KAT6A: variants seen among roughly 807,000 people sequenced by gnomAD.
KAT6A encodes histone acetyltransferase KAT6A.
A neutral mutation model predicts 198.4 loss-of-function variants in KAT6A; 9 were observed. The observed-to-expected ratio is 0.05, with a 90% CI of 0.03 to 0.08. The LOEUF (loss-of-function observed/expected upper bound fraction) is 0.08. Ranked by LOEUF, KAT6A falls within the 10% of genes least tolerant of loss-of-function variation. The probability of loss-of-function intolerance (pLI) is 1.00; values close to 1 mark genes in which losing one functional copy is unlikely to be tolerated. For synonymous variants in KAT6A, 890 were observed against 883.0 expected (o/e 1.01, Z -0.14); for missense variants, 2,077 against 2,509.9 (o/e 0.83, Z 3.69).
intron 2 of KAT6A, among the ~76,000 whole-genome samples, chr8:42,029,598 T>C: frequency 6.7e-6 from 1 of 149,414 alleles, no homozygotes; most frequent in Non-Finnish European, 1.5e-5. Context: ...AGGTTCTCAC[T>C]CTGTTGCCCA....
chr8:41,939,102 C>T (rs541263711), intron 15 of KAT6A, among the ~76,000 whole-genome samples: 3 of 151,754 alleles, frequency 2.0e-5, no homozygotes, highest in Non-Finnish European at 2.9e-5. Context: ...ACGTAAATAT[C>T]TGGGCCAATA....
rs1192231913 is a variant in KAT6A at position 41,930,069 on chromosome 8, A to C, written c.*2136T>G. The C allele has an allele frequency of 4.3e-6, 1 of 230,118 alleles. No individual in the cohort carries two copies. The highest frequency in any genetic ancestry group is 8.6e-6 in the Non-Finnish European group (1 of 116,254). The allele number at this position is 230,118 out of a possible 1,614,324, so 14.3% of individuals were successfully genotyped here. Reference sequence around the variant, plus strand: ...ATAGAAAAGAACTTTTTTTTTCTACAATAGTTCTACAGTCACAAAGAGGCT... The same window carrying C: ...ATAGAAAAGAACTTTTTTTTTCTACCATAGTTCTACAGTCACAAAGAGGCT... On this transcript the variant is annotated 3_prime_UTR_variant, in exon 17 of 17. Coordinates refer to ENST00000265713, the MANE Select transcript of KAT6A (RefSeq NM_006766.5).
chr8:41,961,568 C>G (rs1166376627), intron 8 of KAT6A, among the ~76,000 whole-genome samples: 1 of 152,056 alleles, frequency 6.6e-6, no homozygotes, highest in Non-Finnish European at 1.5e-5. Flanking sequence ...TCCTGGCCAA[C>G]ATGGTGAAAC....
chr8:42,037,376 G>A (rs1388629282), intron 2 of KAT6A, among the ~76,000 whole-genome samples: 2 of 152,088 alleles, frequency 1.3e-5, no homozygotes, highest in African/African-American at 4.8e-5. Flanking sequence ...AACTATTAAA[G>A]TACAGAATCA....
chr8:41,986,917 A>C (rs1041261353), intron 3 of KAT6A, among the ~76,000 whole-genome samples: 4 of 152,152 alleles, frequency 2.6e-5, no homozygotes, highest in Non-Finnish European at 5.9e-5. Flanking sequence ...AGGCACCTGT[A>C]ATCCCACCTA....
At chr8:41,957,236 T>A in intron 8 of KAT6A, 1 of 573,362 alleles carries the variant, frequency 1.7e-6, no homozygotes, top group Non-Finnish European at 3.5e-6. Context: ...GCCTTTAACC[T>A]TTGCACCGTG....
chr8:41,950,389 A>G (rs1421384721), intron 9 of KAT6A, among the ~76,000 whole-genome samples: 1 of 152,206 alleles, frequency 6.6e-6, no homozygotes, highest in Non-Finnish European at 1.5e-5. Context: ...GAATACCTGG[A>G]TTCTGAGTAA....
Position 41,968,404 on chromosome 8 carries a change from G to A in KAT6A, c.1482+6300C>T, listed in dbSNP as rs575763568. On this transcript the variant is annotated intron_variant, in intron 8 of 16. Transcript: ENST00000265713. The stretch of plus-strand genomic sequence containing the variant: ...CACCATCACTGGCCATCAGAGAAAT[G>A]CAAATCAAAACCACAGTGAGATATC... Among the ~76,000 whole-genome samples, 16 of 152,322 alleles carry A rather than the reference G, an allele frequency of 1.1e-4. No homozygotes were observed. In the South Asian group the frequency reaches 3.1e-3, roughly 30 times the overall value.
chr8:41,966,380 TAGAG>T (rs1361639797), intron 8 of KAT6A, among the ~76,000 whole-genome samples: 1 of 152,110 alleles, frequency 6.6e-6, no homozygotes, highest in Non-Finnish European at 1.5e-5. Flanking sequence ...ATAAGAGATT[TAGAG>T]AGAGACAGAC....
chr8:42,011,067 C>A (rs1290804985), intron 2 of KAT6A, among the ~76,000 whole-genome samples: 1 of 152,200 alleles, frequency 6.6e-6, no homozygotes, highest in African/African-American at 2.4e-5. Flanking sequence ...CCATCCCTAT[C>A]ATTCCTTACA....
chr8:42,039,799 T>A (rs1029732049), intron 2 of KAT6A, among the ~76,000 whole-genome samples: 4 of 152,024 alleles, frequency 2.6e-5, no homozygotes, highest in East Asian at 3.9e-4. Flanking sequence ...AGTAGCGCAA[T>A]CTCGGCTCAC....
At chr8:41,978,235 G>A (rs905017489) in intron 6 of KAT6A, among the ~76,000 whole-genome samples, 7 of 152,190 alleles carry the variant, frequency 4.6e-5, no homozygotes, top group African/African-American at 1.7e-4. Flanking sequence ...ACAAGATCAG[G>A]AGAGTGACAT....
At chr8:42,045,126 C>A (rs1166522917) in intron 2 of KAT6A, among the ~76,000 whole-genome samples, 1 of 152,112 alleles carries the variant, frequency 6.6e-6, no homozygotes, top group African/African-American at 2.4e-5. Flanking sequence ...AAATAAGACT[C>A]CATTTAAAAA....
chr8:41,967,274 A>AATTTATTTATCTATTT (rs1823550662), intron 8 of KAT6A, among the ~76,000 whole-genome samples: 1 of 142,798 alleles, frequency 7.0e-6, no homozygotes, highest in Non-Finnish European at 1.5e-5. Context: ...TAAAAAAAAA[A>AATTTATTTATCTATTT]ATTTATTTAT....
intron 2 of KAT6A, among the ~76,000 whole-genome samples, chr8:42,039,236 T>C (rs1467540241): frequency 6.6e-6 from 1 of 152,194 alleles, no homozygotes; most frequent in Non-Finnish European, 1.5e-5. Flanking sequence ...AAGTGGTAAA[T>C]AACTTTATCA....
intron 12 of KAT6A, among the ~76,000 whole-genome samples, chr8:41,946,326 C>G (rs1257508277): frequency 6.6e-6 from 1 of 152,062 alleles, no homozygotes; most frequent in East Asian, 1.9e-4. Flanking sequence ...TGGTCTTGAA[C>G]TACTGGGCTC....
In KAT6A at chr8:41,942,955, T is replaced by C; in HGVS notation, c.2274A>G (p.Ala758=). The change falls in exon 14 of 17, where the codon GCA becomes GCG. Residue 758 remains alanine, a synonymous_variant. Transcript: ENST00000265713. ...CAGGTCGCAAATTCAGCTGAAGCTT[T>C]GCCATGTGATCCTGGATAAGTTTTT... is the stretch of plus-strand genomic sequence containing the variant. ...RREKLIQDHM[A]KLQLNLRPVD... is the part of the protein sequence containing the mutation. 6.2e-7 allele frequency: 1 copy of C among 1,614,180 alleles called. No individual in the cohort carries two copies. The highest frequency in any genetic ancestry group is 1.3e-5 in the African/African-American group (1 of 75,038).
At chr8:41,960,292 T>C (rs1382046601) in intron 8 of KAT6A, among the ~76,000 whole-genome samples, 3 of 151,850 alleles carry the variant, frequency 2.0e-5, no homozygotes, top group East Asian at 1.9e-4. Flanking sequence ...AAAAATGGTC[T>C]GGTTAGGCCG....
chr8:41,979,852 T>G (rs1233647876), intron 5 of KAT6A, among the ~76,000 whole-genome samples: 1 of 152,024 alleles, frequency 6.6e-6, no homozygotes, highest in African/African-American at 2.4e-5. Context: ...AATACAAAAA[T>G]TAGCCAGGTG....
Sources: gnomAD v4.1 joint callset for allele counts (sites outside exome capture counted in the v4.1 genomes callset) on GRCh38, gnomAD v4.1.1 for gene constraint, MANE v1.5 for transcripts, NCBI Gene and HGNC (gene_info 2026-07-23, HGNC 2026-07-21) for gene names.